CHCHD6: variants seen among roughly 807,000 people sequenced by gnomAD.
CHCHD6 encodes the protein MICOS complex subunit MIC25.
A neutral mutation model predicts 32.3 loss-of-function variants in CHCHD6; 28 were observed. That is an observed-to-expected ratio of 0.87 (90% CI 0.64 to 1.19). CHCHD6 has a LOEUF of 1.19. Among genes scored for constraint, CHCHD6 ranks in the 50% most tolerant of loss-of-function variants. The probability of loss-of-function intolerance (pLI) is 0.00; values close to 1 mark genes in which losing one functional copy is unlikely to be tolerated. For missense variants in CHCHD6, 333 were observed against 307.0 expected (o/e 1.08, Z -0.63); for synonymous variants, 122 against 117.5 (o/e 1.04, Z -0.25).
At chr3:126,764,902 G>A (rs1030623366) in intron 4 of CHCHD6, among the ~76,000 whole-genome samples, 1 of 152,134 alleles carries the variant, frequency 6.6e-6, no homozygotes, top group Admixed American at 6.5e-5. Flanking sequence ...CACAGAACAC[G>A]AGATGCACGT....
chr3:126,709,596 T>C (rs1310563420), intron 1 of CHCHD6, among the ~76,000 whole-genome samples: 2 of 152,264 alleles, frequency 1.3e-5, no homozygotes, highest in East Asian at 1.9e-4. Flanking sequence ...GAAGAAGCTG[T>C]ACCATTTGAT....
At chr3:126,858,731 C>T (rs771508708) in intron 5 of CHCHD6, among the ~76,000 whole-genome samples, 2 of 152,226 alleles carry the variant, frequency 1.3e-5, no homozygotes, top group African/African-American at 4.8e-5. Flanking sequence ...GCACCCGGCC[C>T]GCTGGGCTCT....
At chr3:126,704,753 G>A (rs1383975126) in intron 1 of CHCHD6, among the ~76,000 whole-genome samples, 7 of 152,188 alleles carry the variant, frequency 4.6e-5, no homozygotes, top group Non-Finnish European at 1.5e-5. Flanking sequence ...CGCGCATCTC[G>A]TTCTGGGTAC....
chr3:126,836,495 C>T (rs1940868790), intron 4 of CHCHD6, among the ~76,000 whole-genome samples: 2 of 152,210 alleles, frequency 1.3e-5, no homozygotes, highest in Admixed American at 1.3e-4. Context: ...TCTGACACCA[C>T]ATTCACTCAT....
At chr3:126,863,462 C>A (rs2107560815) in intron 5 of CHCHD6, among the ~76,000 whole-genome samples, 1 of 142,920 alleles carries the variant, frequency 7.0e-6, no homozygotes, top group Non-Finnish European at 1.5e-5. Context: ...CCCACTGTCA[C>A]CACCTCCTCC....
At chr3:126,804,852 G>A (rs1410230039) in intron 4 of CHCHD6, among the ~76,000 whole-genome samples, 37 of 152,036 alleles carry the variant, frequency 2.4e-4, no homozygotes, top group South Asian at 8.3e-4. Flanking sequence ...CTTATCCACC[G>A]TGATCAAGTG....
intron 6 of CHCHD6, chr3:126,935,167 A>G: frequency 1.0e-6 from 1 of 987,560 alleles, no homozygotes. Context: ...CTTTGGAAAC[A>G]TTTCTGCCTT....
At chr3:126,889,857 C>A (rs146718544) in intron 5 of CHCHD6, among the ~76,000 whole-genome samples, 1 of 152,246 alleles carries the variant, frequency 6.6e-6, no homozygotes, top group East Asian at 1.9e-4. Context: ...TGACCAGGTC[C>A]GCAGAAAGCG....
intron 4 of CHCHD6, among the ~76,000 whole-genome samples, chr3:126,794,132 C>G (rs1001292699): frequency 2.0e-5 from 3 of 152,008 alleles, no homozygotes; most frequent in African/African-American, 7.2e-5. Context: ...ACAGGGTTTT[C>G]TTTCATGAAC....
intron 5 of CHCHD6, among the ~76,000 whole-genome samples, chr3:126,854,575 T>A (rs1941592158): frequency 6.6e-6 from 1 of 152,278 alleles, no homozygotes; most frequent in African/African-American, 2.4e-5. Context: ...AATCTTTTTT[T>A]ATTAGCTGTT....
chr3:126,821,295 C>T (rs1327402515), intron 4 of CHCHD6, among the ~76,000 whole-genome samples: 1 of 152,044 alleles, frequency 6.6e-6, no homozygotes, highest in African/African-American at 2.4e-5. Context: ...ATTTTTAATT[C>T]CCTTGCATGT....
intron 4 of CHCHD6, among the ~76,000 whole-genome samples, chr3:126,772,055 G>A (rs561005654): frequency 2.7e-5 from 4 of 149,674 alleles, no homozygotes; most frequent in African/African-American, 9.9e-5. Context: ...CTGTCATGGG[G>A]TGTTGAAATC....
At chr3:126,805,733 C>T (rs1314696588) in intron 4 of CHCHD6, among the ~76,000 whole-genome samples, 40 of 152,090 alleles carry the variant, frequency 2.6e-4, no homozygotes, top group Non-Finnish European at 1.3e-4. Context: ...AAAAAGAGCC[C>T]GCATCGCCAA....
At chr3:126,854,379 C>T (rs1024312015) in intron 5 of CHCHD6, among the ~76,000 whole-genome samples, 1 of 152,008 alleles carries the variant, frequency 6.6e-6, no homozygotes, top group Non-Finnish European at 1.5e-5. Flanking sequence ...GAGAGCACCT[C>T]CAACATCTCA....
intron 3 of CHCHD6, 70 bp downstream of exon 3, chr3:126,730,700 C>T (rs1935758445): frequency 7.8e-7 from 1 of 1,287,464 alleles, no homozygotes. Flanking sequence ...ACTGGGTACC[C>T]CTCTCCTTGC....
intron 6 of CHCHD6, among the ~76,000 whole-genome samples, chr3:126,943,903 C>T (rs996978108): frequency 3.3e-5 from 5 of 152,116 alleles, no homozygotes; most frequent in African/African-American, 9.7e-5. Context: ...AAAACACTAT[C>T]GCAGCTTAAA....
At position 126,763,302 on chromosome 3, in the gene CHCHD6, C is replaced by G. The variant is rs1029024346; in HGVS notation, c.411+30080C>G. On this transcript the variant is annotated intron_variant, in intron 4 of 7. Transcript: ENST00000290913. ...CTTTCCCTCTTCTCCCTTTTTCCCC[C>G]TCTTCTCCCCTTTTTCCCCCTCTTC... Among the ~76,000 whole-genome samples, 4 of 131,862 alleles carry G rather than the reference C, an allele frequency of 3.0e-5. No individual in the cohort carries two copies. The East Asian group carries it at 1.2e-3, about 39-fold the overall frequency. 86.5% of individuals were successfully genotyped at this position (131,862 alleles called of 152,430 possible).
chr3:126,767,090 C>G, intron 4 of CHCHD6: 1 of 1,262,734 alleles, frequency 7.9e-7, no homozygotes, highest in Non-Finnish European at 1.2e-6. Flanking sequence ...CCGCCGTGCC[C>G]GGGCGATGAA....
intron 4 of CHCHD6, among the ~76,000 whole-genome samples, chr3:126,737,827 C>T (rs552935852): frequency 1.3e-5 from 2 of 151,582 alleles, no homozygotes; most frequent in African/African-American, 2.4e-5. Context: ...CAGGGTGTGG[C>T]GGTGGGGAGG....
Sources: allele counts gnomAD v4.1 joint callset (sites outside exome capture counted in the v4.1 genomes callset), GRCh38; gene constraint gnomAD v4.1.1; transcripts MANE v1.5; gene names NCBI Gene and HGNC (gene_info 2026-07-23, HGNC 2026-07-21).